Variants in TENM2 observed in about 807,000 individuals in gnomAD.
TENM2 encodes the protein teneurin transmembrane protein 2.
A neutral mutation model predicts 245.2 loss-of-function variants in TENM2; 52 were observed. The ratio of observed to expected loss-of-function variants is 0.21; its 90% CI spans 0.17 to 0.27. The LOEUF (loss-of-function observed/expected upper bound fraction) is 0.27, where lower values mean the gene tolerates loss of function less well. TENM2 is among the 10% of genes least tolerant of loss of function. The probability of loss-of-function intolerance (pLI) is 1.00; values close to 1 mark genes in which losing one functional copy is unlikely to be tolerated. For synonymous variants in TENM2, 1,363 were observed against 1,438.9 expected (o/e 0.95, Z 1.19); for missense variants, 3,046 against 3,666.8 (o/e 0.83, Z 4.37).
At chr5:167,305,167 G>A (rs899006939) in intron 1 of TENM2, among the ~76,000 whole-genome samples, 2 of 152,148 alleles carry the variant, frequency 1.3e-5, no homozygotes, top group Admixed American at 6.5e-5. Context: ...TGGAAGGCAA[G>A]GTTTTTCGTT....
chr5:167,876,471 A>G (rs1000531057), intron 3 of TENM2, among the ~76,000 whole-genome samples: 1 of 152,138 alleles, frequency 6.6e-6, no homozygotes, highest in Non-Finnish European at 1.5e-5. Flanking sequence ...CTGGTCTCAA[A>G]GGTGAAGTGC....
intron 2 of TENM2, among the ~76,000 whole-genome samples, chr5:167,460,533 C>T (rs17068508): frequency 6.6e-6 from 1 of 151,974 alleles, no homozygotes; most frequent in Admixed American, 6.6e-5. Flanking sequence ...CTCTAACTCT[C>T]CATAGTTCTT....
chr5:167,073,687 T>A, the TENM2 span, among the ~76,000 whole-genome samples: 1 of 152,314 alleles, frequency 6.6e-6, no homozygotes, highest in East Asian at 1.9e-4. Context: ...TCTTATTTGC[T>A]ATCTTCACAT....
chr5:168,146,617 A>G (rs183765766), intron 12 of TENM2, among the ~76,000 whole-genome samples: 2 of 152,102 alleles, frequency 1.3e-5, no homozygotes, highest in African/African-American at 4.8e-5. Context: ...ACCAGCTAAC[A>G]TTATTGAGTA....
chr5:168,217,247 G>A (rs1763277068), intron 22 of TENM2, among the ~76,000 whole-genome samples: 1 of 152,172 alleles, frequency 6.6e-6, no homozygotes, highest in Non-Finnish European at 1.5e-5. Flanking sequence ...GCAGGTTTGA[G>A]AATGTACTGT....
chr5:167,936,579 C>T (rs984657750), intron 3 of TENM2, among the ~76,000 whole-genome samples: 1 of 152,180 alleles, frequency 6.6e-6, no homozygotes, highest in African/African-American at 2.4e-5. Context: ...GTCTTTCCCC[C>T]ATCCATTGAA....
chr5:168,159,051 G>A (rs754947184), intron 12 of TENM2, among the ~76,000 whole-genome samples: 1 of 151,180 alleles, frequency 6.6e-6, no homozygotes, highest in Admixed American at 6.6e-5. Flanking sequence ...AGCTGAGGCG[G>A]GGGAATCATT....
At chr5:168,016,629 C>G (rs1268631697) in intron 5 of TENM2, among the ~76,000 whole-genome samples, 1 of 152,138 alleles carries the variant, frequency 6.6e-6, no homozygotes, top group African/African-American at 2.4e-5. Context: ...TGCCTCTTGG[C>G]CTTGACCTCG....
At chr5:167,505,670 A>C (rs73365569) in intron 2 of TENM2, among the ~76,000 whole-genome samples, 4,625 of 152,210 alleles carry the variant, frequency 0.03, 148 homozygotes, top group East Asian at 0.079. Context: ...TCTTCAGAAA[A>C]ATACCCATTT....
At chr5:167,116,325 C>A in the TENM2 span, 1 of 152,172 alleles carries the variant, frequency 6.6e-6, no homozygotes, top group African/African-American at 2.4e-5. Context: ...TGCAGAGTCC[C>A]CCAGCCAAAG....
At chr5:167,778,027 G>A (rs995114871) in intron 2 of TENM2, among the ~76,000 whole-genome samples, 2 of 152,200 alleles carry the variant, frequency 1.3e-5, no homozygotes, top group Non-Finnish European at 2.9e-5. Flanking sequence ...TGCCACAGTG[G>A]ACAGAGTTGA....
chr5:167,008,318 T>C, the TENM2 span, among the ~76,000 whole-genome samples: 1 of 152,132 alleles, frequency 6.6e-6, no homozygotes, highest in Non-Finnish European at 1.5e-5. Context: ...ATAAAGGAGT[T>C]GATATAGTTT....
intron 3 of TENM2, among the ~76,000 whole-genome samples, chr5:167,893,892 A>G (rs1419490143): frequency 6.6e-6 from 1 of 152,192 alleles, no homozygotes; most frequent in East Asian, 1.9e-4. Flanking sequence ...AATTATGCCT[A>G]ACGTGCTCTT....
intron 2 of TENM2, among the ~76,000 whole-genome samples, chr5:167,613,549 C>T (rs988415829): frequency 2.6e-5 from 4 of 151,986 alleles, no homozygotes; most frequent in South Asian, 4.2e-4. Flanking sequence ...GGTAATTGAA[C>T]GTAAAGGTCC....
intron 2 of TENM2, among the ~76,000 whole-genome samples, chr5:167,498,968 G>A (rs1021525842): frequency 5.3e-5 from 8 of 152,048 alleles, no homozygotes; most frequent in Admixed American, 4.6e-4. Flanking sequence ...GTTGTGATAA[G>A]ATTTAGCATT....
chr5:168,245,821 A>C (rs1388001643), intron 26 of TENM2, among the ~76,000 whole-genome samples: 1 of 152,152 alleles, frequency 6.6e-6, no homozygotes, highest in East Asian at 1.9e-4. Context: ...GTTATGCCTG[A>C]AACACAGGAA....
chr5:167,080,015 T>C, the TENM2 span, among the ~76,000 whole-genome samples: 1 of 152,216 alleles, frequency 6.6e-6, no homozygotes, highest in African/African-American at 2.4e-5. Context: ...AAACTGAAGT[T>C]CAGACAGACA....
chr5:167,445,465 T>C (rs1765155436), intron 2 of TENM2, among the ~76,000 whole-genome samples: 1 of 151,476 alleles, frequency 6.6e-6, no homozygotes, highest in Non-Finnish European at 1.5e-5. Flanking sequence ...AAGGGAAACA[T>C]TATGTAAGCA....
intron 2 of TENM2, among the ~76,000 whole-genome samples, chr5:167,435,439 G>A (rs1764489183): frequency 1.3e-5 from 2 of 152,264 alleles, no homozygotes; most frequent in South Asian, 2.1e-4. Context: ...TGCCTGCTGC[G>A]ATGTAAGATG....
Sources: gnomAD v4.1 joint callset for allele counts (sites outside exome capture counted in the v4.1 genomes callset) on GRCh38, gnomAD v4.1.1 for gene constraint, MANE v1.5 for transcripts, NCBI Gene and HGNC (gene_info 2026-07-23, HGNC 2026-07-21) for gene names.